TSPAN7: variants seen among roughly 807,000 people sequenced by gnomAD.
The protein encoded by TSPAN7 is tetraspanin-7.
TSPAN7 carries 1 observed loss-of-function variant against 17.6 expected under a neutral mutation model. The ratio of observed to expected loss-of-function variants is 0.06; its 90% confidence interval spans 0.02 to 0.27. The LOEUF (loss-of-function observed/expected upper bound fraction) is 0.27, where lower values mean the gene tolerates loss of function less well. Among genes scored for constraint, TSPAN7 ranks in the 10% least tolerant of loss-of-function variants. The probability of loss-of-function intolerance (pLI) is 1.00; values close to 1 mark genes in which losing one functional copy is unlikely to be tolerated. For missense variants in TSPAN7, 112 were observed against 201.7 expected (o/e 0.56, Z 2.69); for synonymous variants, 78 against 79.0 (o/e 0.99, Z 0.07).
chrX:38,671,231 C>T (rs980373964), intron 2 of TSPAN7, 145 bp from the exon 3 acceptor site: 18 of 587,324 alleles, frequency 3.1e-5, no homozygotes, highest in African/African-American at 6.7e-5. Context: ...AATTTAGAGA[C>T]GAATGTTTTA....
chrX:38,659,025 CACACACACACACA>C lies in TSPAN7; in HGVS notation c.82-7095_82-7083del, dbSNP rs1462477683. Among the ~76,000 whole-genome samples, 36 of 92,816 alleles carry C rather than the reference CACACACACACACA, an allele frequency of 3.9e-4. 1 individual carries two copies. In the East Asian group the frequency reaches 0.01, roughly 27 times the overall value. 80.6% of individuals were successfully genotyped at this position (92,816 alleles called of 115,157 possible). On this transcript the variant is annotated intron_variant, in intron 1 of 7. Transcript: ENST00000378482. ...ATACACACACACACACACACACACACACACACACACACACCCACAGACGTACACATGTATACAT... is the reference window on the plus strand; with the variant it reads ...ATACACACACACACACACACACACACCCCACAGACGTACACATGTATACAT...
intron 1 of TSPAN7, among the ~76,000 whole-genome samples, chrX:38,563,316 C>G (rs866226880): frequency 4.9e-4 from 55 of 112,108 alleles, no homozygotes; most frequent in African/African-American, 1.6e-3. Context: ...ATCTTATGCT[C>G]TGCCTGTAAA....
At chrX:38,604,333 A>G (rs1217111396) in intron 1 of TSPAN7, among the ~76,000 whole-genome samples, 2 of 107,383 alleles carry the variant, frequency 1.9e-5, no homozygotes, top group Non-Finnish European at 3.9e-5. Flanking sequence ...CAATAAACAT[A>G]CGTGTGCATG....
At chrX:38,561,754 C>A in intron 1 of TSPAN7, 127 bp downstream of exon 1, 2 of 569,157 alleles carry the variant, frequency 3.5e-6, no homozygotes, top group East Asian at 4.5e-5. Context: ...TTTAAGGAGA[C>A]AGGCGCGGGG....
At chrX:38,677,911 G>A (rs995570133) in intron 5 of TSPAN7, among the ~76,000 whole-genome samples, 2 of 111,840 alleles carry the variant, frequency 1.8e-5, no homozygotes, top group Admixed American at 1.9e-4. Context: ...CTTAACTACT[G>A]CCACATTCTA....
intron 2 of TSPAN7, 92 bp downstream of exon 2, chrX:38,666,401 CAGACA>C: frequency 1.1e-6 from 1 of 933,881 alleles, no homozygotes; most frequent in South Asian, 2.1e-5. Context: ...CTTGAGGTCA[CAGACA>C]AGACCTTAAC....
chrX:38,680,539 TTCTC>T (rs61619425), intron 5 of TSPAN7, among the ~76,000 whole-genome samples: 24,269 of 75,225 alleles, frequency 0.32, 3,538 homozygotes, highest in East Asian at 0.51. Flanking sequence ...TACTTACAAA[TTCTC>T]TCTCTCTCTC....
At chrX:38,587,907 C>G (rs1318205375) in intron 1 of TSPAN7, among the ~76,000 whole-genome samples, 1 of 111,807 alleles carries the variant, frequency 8.9e-6, no homozygotes, top group Non-Finnish European at 1.9e-5. Context: ...AGGATAATTT[C>G]CAGAATGTTG....
intron 1 of TSPAN7, chrX:38,646,190 T>A: frequency 5.2e-6 from 5 of 961,793 alleles, no homozygotes; most frequent in Non-Finnish European, 6.8e-6. Flanking sequence ...GAAAAAGTAA[T>A]CTGGCAAAAA....
At chrX:38,676,684 T>A (rs2069855905) in intron 5 of TSPAN7, among the ~76,000 whole-genome samples, 1 of 112,143 alleles carries the variant, frequency 8.9e-6, no homozygotes, top group Non-Finnish European at 1.9e-5. Context: ...TAAAATTCTG[T>A]TCATATGATG....
intron 1 of TSPAN7, among the ~76,000 whole-genome samples, chrX:38,599,278 A>G (rs1170698009): frequency 9.0e-6 from 1 of 111,172 alleles, no homozygotes; most frequent in Non-Finnish European, 1.9e-5. Flanking sequence ...GCATATTAAT[A>G]TAATAAACAC....
At chrX:38,631,424 G>A (rs1602106219) in intron 1 of TSPAN7, among the ~76,000 whole-genome samples, 2 of 110,935 alleles carry the variant, frequency 1.8e-5, no homozygotes, top group South Asian at 7.7e-4. Flanking sequence ...TGCAGCCTTC[G>A]GTATAAAACA....
At chrX:38,597,650 C>T (rs2069324939) in intron 1 of TSPAN7, among the ~76,000 whole-genome samples, 1 of 111,477 alleles carries the variant, frequency 9.0e-6, no homozygotes, top group South Asian at 3.8e-4. Flanking sequence ...GGAACTTACT[C>T]CTGTATTTCC....
rs779764105 is a variant in TSPAN7, at chrX:38,584,670, T to C, written c.81+23043T>C. 2.7e-5 allele frequency among the ~76,000 whole-genome samples: 3 copies of C among 112,052 alleles called. No homozygotes were observed. In the East Asian group the frequency reaches 8.4e-4, roughly 31 times the overall value. On this transcript the variant is annotated intron_variant, in intron 1 of 7. Coordinates refer to ENST00000378482, the MANE Select transcript of TSPAN7 (RefSeq NM_004615.4). ...AGAGATGTGTAAAAGGCTGCAAAAATATTTATGTACAGTTTAGAGAATAAT... is the reference window on the plus strand; with the variant it reads ...AGAGATGTGTAAAAGGCTGCAAAAACATTTATGTACAGTTTAGAGAATAAT...
intron 1 of TSPAN7, among the ~76,000 whole-genome samples, chrX:38,630,102 C>A (rs1444012330): frequency 9.0e-6 from 1 of 111,552 alleles, no homozygotes; most frequent in Non-Finnish European, 1.9e-5. Flanking sequence ...AAGGGGATAA[C>A]TTAAATTTCC....
chrX:38,629,551 G>GCTC (rs1392381968), intron 1 of TSPAN7, among the ~76,000 whole-genome samples: 1 of 111,747 alleles, frequency 8.9e-6, no homozygotes, highest in Non-Finnish European at 1.9e-5. Context: ...CAGTATTTAT[G>GCTC]TGGATGCATA....
At chrX:38,619,041 A>G (rs2069473451) in intron 1 of TSPAN7, among the ~76,000 whole-genome samples, 1 of 111,387 alleles carries the variant, frequency 9.0e-6, no homozygotes, top group Admixed American at 9.5e-5. Flanking sequence ...GGACCTGCCA[A>G]TTTTGCCAGA....
intron 1 of TSPAN7, among the ~76,000 whole-genome samples, chrX:38,575,202 G>T (rs1303290594): frequency 9.0e-6 from 1 of 110,928 alleles, no homozygotes; most frequent in African/African-American, 3.3e-5. Context: ...TTCCCCATTT[G>T]TACCTCAGAT....
intron 1 of TSPAN7, among the ~76,000 whole-genome samples, chrX:38,637,611 C>T (rs2069588245): frequency 8.9e-6 from 1 of 112,085 alleles, no homozygotes; most frequent in South Asian, 3.7e-4. Flanking sequence ...AGAGTAAGCC[C>T]CTGCTGATAG....
Sources: allele counts gnomAD v4.1 joint callset (sites outside exome capture counted in the v4.1 genomes callset), GRCh38; gene constraint gnomAD v4.1.1; transcripts MANE v1.5; gene names NCBI Gene and HGNC (gene_info 2026-07-23, HGNC 2026-07-21).